FNIP2: variants seen among roughly 807,000 people sequenced by gnomAD.
FNIP2 encodes the protein folliculin-interacting protein 2.
Under a neutral mutation model 108.7 loss-of-function variants are expected in FNIP2, and 32 were observed. The ratio of observed to expected loss-of-function variants is 0.29; its 90% CI spans 0.22 to 0.40. The LOEUF (loss-of-function observed/expected upper bound fraction) is 0.40. Ranked by LOEUF, FNIP2 falls within the 10% of genes least tolerant of loss-of-function variation. The probability of loss-of-function intolerance (pLI) is 1.00; values close to 1 mark genes in which losing one functional copy is unlikely to be tolerated. For missense variants in FNIP2, 1,202 were observed against 1,381.6 expected (o/e 0.87, Z 2.06); for synonymous variants, 480 against 496.7 (o/e 0.97, Z 0.45).
chr4:158,853,915 G>T (rs1779838760), intron 8 of FNIP2, among the ~76,000 whole-genome samples: 1 of 152,070 alleles, frequency 6.6e-6, no homozygotes, highest in South Asian at 2.1e-4. Flanking sequence ...AATTCAAAAA[G>T]CCTGTTTATG....
rs760603894 is a variant in FNIP2 at position 158,861,784 on chromosome 4, C to T, written c.1465+8C>T. The T allele has an allele frequency of 7.4e-6, 12 of 1,613,524 alleles. No homozygotes were observed. The highest frequency in any genetic ancestry group is 1.0e-5 in the Non-Finnish European group (12 of 1,179,794). ...CTCTTTGGGCACAGCTGGGTTAGTA[C>T]CTAATTTGACTATTCAGAGAATATA... On this transcript the variant is annotated splice_region_variant and intron_variant, in intron 12 of 16. Transcript: ENST00000264433.
At chr4:158,892,141 C>CTTT (rs34895070) in intron 15 of FNIP2, among the ~76,000 whole-genome samples, 39 of 113,494 alleles carry the variant, frequency 3.4e-4, no homozygotes, top group African/African-American at 4.2e-4. Flanking sequence ...TCAATTGTTG[C>CTTT]TTTTTTTTTT....
At chr4:158,817,045 C>T (rs1435032291) in intron 1 of FNIP2, among the ~76,000 whole-genome samples, 1 of 152,058 alleles carries the variant, frequency 6.6e-6, no homozygotes, top group East Asian at 1.9e-4. Flanking sequence ...ATTGCTCAAA[C>T]TCCTGGATTC....
chr4:158,822,612 T>C (rs1777946118), intron 1 of FNIP2, among the ~76,000 whole-genome samples: 1 of 151,858 alleles, frequency 6.6e-6, no homozygotes, highest in South Asian at 2.1e-4. Context: ...ATCCTCCCAC[T>C]TCAGCTTCCT....
chr4:158,818,790 C>T (rs1054968313), intron 1 of FNIP2, among the ~76,000 whole-genome samples: 2 of 152,156 alleles, frequency 1.3e-5, no homozygotes, highest in African/African-American at 2.4e-5. Flanking sequence ...CTGTTTTTCC[C>T]AACAGCCTTG....
At chr4:158,798,963 TTGTAAA>T (rs1249859397) in intron 1 of FNIP2, among the ~76,000 whole-genome samples, 3 of 152,244 alleles carry the variant, frequency 2.0e-5, no homozygotes, top group Non-Finnish European at 4.4e-5. Context: ...CTTAAAAATG[TTGTAAA>T]TGTAAGAGAG....
chr4:158,900,285 T>C (rs971216714), intron 16 of FNIP2, among the ~76,000 whole-genome samples: 4 of 152,166 alleles, frequency 2.6e-5, no homozygotes, highest in African/African-American at 9.7e-5. Context: ...TTAGAATAAG[T>C]GTGATGAGGT....
chr4:158,813,488 A>C (rs1777396823), intron 1 of FNIP2, among the ~76,000 whole-genome samples: 1 of 152,176 alleles, frequency 6.6e-6, no homozygotes. Context: ...ATCGTTGGTG[A>C]GGTGTCTATT....
chr4:158,832,116 A>G lies in FNIP2; in HGVS notation c.532A>G (p.Ser178Gly). Reference protein sequence around the residue: ...ISKVFSARMGSFCGSTNNLQD... With the variant: ...ISKVFSARMGGFCGSTNNLQD... ...TAAAGTCTTCTCTGCTAGAATGGGCAGCTTCTGTGGAAGTACAAATAAGTA... is the reference window on the plus strand; with the variant it reads ...TAAAGTCTTCTCTGCTAGAATGGGCGGCTTCTGTGGAAGTACAAATAAGTA... Residue 178 changes from serine (S) to glycine (G), a missense_variant, in exon 5 of 17, where the codon AGC becomes GGC. This residue lies in a region of FNIP2 where 878 missense variants were observed against 990.3 expected (regional missense o/e 0.89). Coordinates refer to ENST00000264433, the MANE Select transcript of FNIP2 (RefSeq NM_020840.3). 2 of 1,613,776 alleles carry G rather than the reference A, an allele frequency of 1.2e-6. No individual in the cohort carries two copies. The highest frequency in any genetic ancestry group is 1.3e-5 in the African/African-American group (1 of 75,026).
In FNIP2 at chr4:158,818,479, A is replaced by G. The variant is rs1386719570; in HGVS notation, c.108-7437A>G. ...TCCAAAATCCTAAAATTTCTGGAAA[A>G]TCTTTTGGAATTAATCTGAACTGAT... On this transcript the variant is annotated intron_variant, in intron 1 of 16. Coordinates refer to ENST00000264433, the MANE Select transcript of FNIP2 (RefSeq NM_020840.3). Among the ~76,000 whole-genome samples, 2 of 152,234 alleles carry G rather than the reference A, an allele frequency of 1.3e-5. 1 individual carries two copies. The highest frequency in any genetic ancestry group is 1.3e-4 in the Admixed American group (2 of 15,288).
chr4:158,803,750 A>G (rs1013429613), intron 1 of FNIP2, among the ~76,000 whole-genome samples: 1 of 152,202 alleles, frequency 6.6e-6, no homozygotes, highest in African/African-American at 2.4e-5. Flanking sequence ...TTAAGATATC[A>G]TGTTGGTCTC....
At chr4:158,849,394 AC>A (rs1779576705) in intron 7 of FNIP2, among the ~76,000 whole-genome samples, 1 of 152,140 alleles carries the variant, frequency 6.6e-6, no homozygotes, top group Non-Finnish European at 1.5e-5. Context: ...ATGCCAGGGC[AC>A]CATATTTTGG....
intron 1 of FNIP2, among the ~76,000 whole-genome samples, chr4:158,777,384 T>C (rs1202043079): frequency 6.6e-6 from 1 of 152,212 alleles, no homozygotes; most frequent in African/African-American, 2.4e-5. Context: ...GTAAGCACTT[T>C]AGAAAAAAGA....
intron 12 of FNIP2, among the ~76,000 whole-genome samples, chr4:158,866,661 TG>T (rs1256177847): frequency 8.6e-5 from 13 of 152,014 alleles, no homozygotes; most frequent in African/African-American, 1.2e-4. Context: ...CTGCAATGTC[TG>T]CCTCCCGGGT....
At chr4:158,799,398 A>G (rs557877289) in intron 1 of FNIP2, among the ~76,000 whole-genome samples, 35 of 152,352 alleles carry the variant, frequency 2.3e-4, no homozygotes, top group East Asian at 9.6e-4. Context: ...GATTGGGAGC[A>G]CTGAAAAGTG....
intron 15 of FNIP2, among the ~76,000 whole-genome samples, chr4:158,892,920 T>A (rs17286457): frequency 6.6e-6 from 1 of 152,152 alleles, no homozygotes; most frequent in Admixed American, 6.5e-5. Context: ...TATGACCAAA[T>A]CTATACTTGT....
intron 13 of FNIP2, 39 bp downstream of exon 13, chr4:158,869,467 C>A: frequency 6.5e-7 from 1 of 1,527,470 alleles, no homozygotes; most frequent in South Asian, 1.3e-5. Flanking sequence ...GAACTGGGTT[C>A]AAATCCCACT....
At chr4:158,815,793 A>G (rs1368715212) in intron 1 of FNIP2, among the ~76,000 whole-genome samples, 9 of 152,172 alleles carry the variant, frequency 5.9e-5, no homozygotes, top group Non-Finnish European at 8.8e-5. Context: ...TTCTAGACTT[A>G]TGGTAGCTTT....
At chr4:158,871,825 C>A (rs766071127) in intron 14 of FNIP2, 5 of 985,304 alleles carry the variant, frequency 5.1e-6, no homozygotes, top group Non-Finnish European at 6.0e-6. Flanking sequence ...GTCCATGCAT[C>A]AATGACCCCT....
Sources: allele counts gnomAD v4.1 joint callset (sites outside exome capture counted in the v4.1 genomes callset), GRCh38; gene constraint gnomAD v4.1.1; regional missense constraint gnomAD v4.1.1; transcripts MANE v1.5; gene names NCBI Gene and HGNC (gene_info 2026-07-23, HGNC 2026-07-21).